Variants in KIAA1328 observed in about 807,000 individuals in gnomAD.
KIAA1328 encodes the protein KIAA1328.
KIAA1328 carries 52 observed loss-of-function variants against 68.1 expected under a neutral mutation model. The ratio of observed to expected loss-of-function variants is 0.76; its 90% CI spans 0.61 to 0.96. The LOEUF (loss-of-function observed/expected upper bound fraction) is 0.96. KIAA1328 is among the 40% of genes least tolerant of loss of function. KIAA1328 has a pLI of 0.00. For synonymous variants in KIAA1328, 232 were observed against 239.4 expected (o/e 0.97, Z 0.28); for missense variants, 641 against 677.6 (o/e 0.95, Z 0.60).
intron 6 of KIAA1328, among the ~76,000 whole-genome samples, chr18:36,980,565 A>T (rs561425459): frequency 3.3e-5 from 5 of 152,150 alleles, no homozygotes; most frequent in Admixed American, 6.6e-5. Context: ...ATACATTTAG[A>T]ATATCTGGTG....
intron 7 of KIAA1328, among the ~76,000 whole-genome samples, chr18:37,104,338 A>T (rs1428966040): frequency 6.6e-6 from 1 of 152,262 alleles, no homozygotes; most frequent in Non-Finnish European, 1.5e-5. Flanking sequence ...AGCTGTAAAA[A>T]TGAATGAAAA....
At chr18:37,059,198 A>G (rs1424368440) in intron 6 of KIAA1328, among the ~76,000 whole-genome samples, 1 of 152,196 alleles carries the variant, frequency 6.6e-6, no homozygotes, top group African/African-American at 2.4e-5. Context: ...AACGTTGAAT[A>G]TGTAAAACAT....
At chr18:37,196,850 A>G (rs1006172969) in intron 9 of KIAA1328, among the ~76,000 whole-genome samples, 3 of 152,000 alleles carry the variant, frequency 2.0e-5, no homozygotes, top group African/African-American at 7.2e-5. Flanking sequence ...AGTAGAATTG[A>G]TATTAGTTCT....
At chr18:37,096,117 G>A (rs1016711305) in intron 7 of KIAA1328, among the ~76,000 whole-genome samples, 2 of 151,738 alleles carry the variant, frequency 1.3e-5, no homozygotes, top group African/African-American at 2.4e-5. Flanking sequence ...TAGCGTACAT[G>A]TGCACAACGT....
chr18:36,903,363 G>A (rs918429178), intron 5 of KIAA1328, among the ~76,000 whole-genome samples: 1 of 152,032 alleles, frequency 6.6e-6, no homozygotes, highest in African/African-American at 2.4e-5. Context: ...GAAGTTTAAT[G>A]CCATGTATTT....
chr18:36,937,785 G>A (rs2050561386), intron 5 of KIAA1328, among the ~76,000 whole-genome samples: 1 of 151,596 alleles, frequency 6.6e-6, no homozygotes, highest in Admixed American at 6.6e-5. Flanking sequence ...CCCCTTCACG[G>A]CCTCTGATAA....
intron 6 of KIAA1328, among the ~76,000 whole-genome samples, chr18:37,018,135 C>T (rs1264153602): frequency 6.6e-6 from 1 of 152,128 alleles, no homozygotes; most frequent in Non-Finnish European, 1.5e-5. Flanking sequence ...CCGTAAGGCT[C>T]TCTTGGAAGG....
At chr18:37,186,714 C>G (rs970385268) in intron 9 of KIAA1328, among the ~76,000 whole-genome samples, 2 of 87,800 alleles carry the variant, frequency 2.3e-5, no homozygotes, top group Admixed American at 2.0e-4. Context: ...GTGTACAAAT[C>G]CTAACGAAAG....
intron 5 of KIAA1328, among the ~76,000 whole-genome samples, chr18:36,910,283 T>C (rs889518073): frequency 1.3e-5 from 2 of 152,302 alleles, no homozygotes; most frequent in African/African-American, 4.8e-5. Flanking sequence ...TAATCCATCT[T>C]GAATTAATTT....
intron 4 of KIAA1328, among the ~76,000 whole-genome samples, chr18:36,854,385 T>C (rs181389221): frequency 6.6e-6 from 1 of 152,212 alleles, no homozygotes; most frequent in Non-Finnish European, 1.5e-5. Flanking sequence ...ATAATTATTG[T>C]TTAAGTTGTC....
intron 6 of KIAA1328, among the ~76,000 whole-genome samples, chr18:37,014,288 TTGTC>T (rs1164054819): frequency 6.6e-6 from 1 of 152,228 alleles, no homozygotes; most frequent in Non-Finnish European, 1.5e-5. Flanking sequence ...ATTCTGTAGA[TTGTC>T]TGCTTTCTTT....
intron 9 of KIAA1328, among the ~76,000 whole-genome samples, chr18:37,183,706 G>C (rs993602683): frequency 3.9e-5 from 6 of 152,120 alleles, no homozygotes; most frequent in African/African-American, 1.4e-4. Context: ...GTTGAAATTG[G>C]GGATTAATTA....
At chr18:37,097,307 C>A (rs2057442613) in intron 7 of KIAA1328, among the ~76,000 whole-genome samples, 1 of 152,114 alleles carries the variant, frequency 6.6e-6, no homozygotes. Context: ...GCCAGTTTTC[C>A]CAGCACTTTT....
At chr18:36,902,476 C>T (rs2049073788) in intron 5 of KIAA1328, 1 of 152,048 alleles carries the variant, frequency 6.6e-6, no homozygotes, top group Non-Finnish European at 1.5e-5. Flanking sequence ...GTTGCTGTAA[C>T]ACTTTACCAC....
At chr18:37,058,094 T>A (rs1465813713) in intron 6 of KIAA1328, among the ~76,000 whole-genome samples, 1 of 152,112 alleles carries the variant, frequency 6.6e-6, no homozygotes, top group African/African-American at 2.4e-5. Context: ...AGTCAGGGAC[T>A]GTAGGGAAGC....
chr18:37,194,791 G>A (rs1197512235), intron 9 of KIAA1328, among the ~76,000 whole-genome samples: 1 of 152,124 alleles, frequency 6.6e-6, no homozygotes, highest in African/African-American at 2.4e-5. Flanking sequence ...CTCCTGAGTA[G>A]CTGAGATGAC....
intron 6 of KIAA1328, chr18:37,063,551 T>TA: frequency 2.8e-6 from 2 of 722,456 alleles, no homozygotes; most frequent in Non-Finnish European, 3.4e-6. Context: ...AAGAAGATAA[T>TA]AAAAGTTGCG....
Position 37,223,733 on chromosome 18 carries a change from T to A in KIAA1328, c.*1506T>A. On this transcript the variant is annotated 3_prime_UTR_variant, in exon 10 of 10. Coordinates refer to ENST00000280020, the MANE Select transcript of KIAA1328 (RefSeq NM_020776.3). ...ATTATTTCAATCTAGAAAAGCCTTG[T>A]TGAGCAGCCTCCTTATCCAGATAGA... 2.0e-6 allele frequency: 2 copies of A among 985,428 alleles called. No homozygotes were observed. Among genetic ancestry groups the A allele is most frequent in the Non-Finnish European group, 2.4e-6 (2 of 829,938 alleles). 61.0% of individuals were successfully genotyped at this position (985,428 alleles called of 1,614,324 possible).
intron 7 of KIAA1328, among the ~76,000 whole-genome samples, chr18:37,106,476 T>A (rs1262005605): frequency 6.6e-6 from 1 of 151,554 alleles, no homozygotes; most frequent in Non-Finnish European, 1.5e-5. Context: ...TGGAGTGCAG[T>A]GGCGAGATCT....
Sources: allele counts gnomAD v4.1 joint callset (sites outside exome capture counted in the v4.1 genomes callset), GRCh38; gene constraint gnomAD v4.1.1; transcripts MANE v1.5; gene names NCBI Gene and HGNC (gene_info 2026-07-23, HGNC 2026-07-21).